The following CNTNAP3B variants were observed in gnomAD, a reference collection of about 807,000 sequenced individuals.
CNTNAP3B encodes the protein contactin-associated protein-like 3B.
In CNTNAP3B, 25 loss-of-function variants were observed where a neutral mutation model predicts 108.9. That is an observed-to-expected ratio of 0.23 (90% CI 0.17 to 0.32). The LOEUF (loss-of-function observed/expected upper bound fraction) is 0.32, where lower values mean the gene tolerates loss of function less well. Among genes scored for constraint, CNTNAP3B ranks in the 10% least tolerant of loss-of-function variants. CNTNAP3B has a pLI of 1.00. For missense variants in CNTNAP3B, 252 were observed against 1,210.4 expected, an observed-to-expected ratio of 0.21 and a Z score of 11.75; for synonymous variants, 103 against 473.4, an observed-to-expected ratio of 0.22 and a Z score of 10.16.
At chr9:41,928,377 G>A (rs1823877374) in intron 15 of CNTNAP3B, among the ~76,000 whole-genome samples, 1 of 152,040 alleles carries the variant, frequency 6.6e-6, no homozygotes, top group Non-Finnish European at 1.5e-5. Context: ...CTCAGATGAG[G>A]AGCCCCCAGA....
At chr9:41,948,223 C>T (rs1197283815) in intron 13 of CNTNAP3B, among the ~76,000 whole-genome samples, 1 of 143,806 alleles carries the variant, frequency 7.0e-6, no homozygotes, top group Non-Finnish European at 1.5e-5. Flanking sequence ...TCCTGAGTAG[C>T]TGGGATTATA....
intron 2 of CNTNAP3B, among the ~76,000 whole-genome samples, chr9:42,093,078 G>T (rs1827835074): frequency 1.0e-5 from 1 of 96,988 alleles, no homozygotes; most frequent in African/African-American, 3.9e-5. Flanking sequence ...CGGGCGCGGT[G>T]GCTCACACCT....
rs1348095156 is a variant in CNTNAP3B at position 42,011,854 on chromosome 9, G to A, written c.538+1524C>T. On this transcript the variant is annotated intron_variant, in intron 4 of 23. Coordinates refer to ENST00000377561, the MANE Select transcript of CNTNAP3B (RefSeq NM_001201380.3). ...ATTCTTCTAAGGAAAAAAAGACAAT[G>A]TAGATGTCCACTTGTTCTAAAGAAT... is the stretch of plus-strand genomic sequence containing the variant. Among the ~76,000 whole-genome samples the A allele has an allele frequency of 2.1e-5, 2 of 96,360 alleles. 1 individual carries two copies. The highest frequency in any genetic ancestry group is 7.9e-5 in the African/African-American group (2 of 25,220). The allele number at this position is 96,360 out of a possible 152,430, so 63.2% of individuals were successfully genotyped here.
intron 3 of CNTNAP3B, among the ~76,000 whole-genome samples, chr9:42,024,827 C>T (rs1826388569): frequency 6.9e-6 from 1 of 145,026 alleles, no homozygotes. Flanking sequence ...TCCAGTTTCT[C>T]AGGAGAAAAA....
rs538393760 is a variant in CNTNAP3B at position 42,021,773 on chromosome 9, G to A, written c.391-8248C>T. On this transcript the variant is annotated intron_variant, in intron 3 of 23. Coordinates refer to ENST00000377561, the MANE Select transcript of CNTNAP3B (RefSeq NM_001201380.3). ...TGTAAAACAGCAGCAACAACATGAG[G>A]CACATGGAAGTTCAATGTCCTAGGG... is the stretch of plus-strand genomic sequence containing the variant. 9.4e-4 allele frequency among the ~76,000 whole-genome samples: 122 copies of A among 129,990 alleles called. 11 individuals carry two copies. The highest frequency in any genetic ancestry group is 5.9e-3 in the South Asian group (23 of 3,878). The allele number at this position is 129,990 out of a possible 152,430, so 85.3% of individuals were successfully genotyped here. A position where few individuals can be genotyped will look rare whatever the true frequency, so the allele number is the denominator to read the frequency against.
rs1828205022 is a variant in CNTNAP3B at position 42,112,188 on chromosome 9, G to A, written c.86-7449C>T. ...TGACCGCTCACCCGATGACATTGCAGCCCCTGCTGTCTGCGAGTTCCCATC... is the reference window on the plus strand; with the variant it reads ...TGACCGCTCACCCGATGACATTGCAACCCCTGCTGTCTGCGAGTTCCCATC... On this transcript the variant is annotated intron_variant, in intron 1 of 23. Transcript: ENST00000377561. Among the ~76,000 whole-genome samples the A allele has an allele frequency of 2.1e-5, 3 of 140,130 alleles. 1 individual carries two copies. Among genetic ancestry groups the A allele is most frequent in the Admixed American group, 2.1e-4 (3 of 14,096 alleles). 91.9% of individuals were successfully genotyped at this position (140,130 alleles called of 152,430 possible).
At chr9:41,943,991 C>T (rs1326127225) in intron 13 of CNTNAP3B, among the ~76,000 whole-genome samples, 7 of 152,140 alleles carry the variant, frequency 4.6e-5, no homozygotes, top group Non-Finnish European at 1.0e-4. Context: ...GAGAATTATG[C>T]CAGATTTCCC....
At chr9:41,945,360 C>T (rs1824497796) in intron 13 of CNTNAP3B, among the ~76,000 whole-genome samples, 1 of 152,306 alleles carries the variant, frequency 6.6e-6, no homozygotes, top group South Asian at 2.1e-4. Context: ...AGACTTGGAA[C>T]CAACCCAAAT....
At chr9:41,959,738 G>A (rs1218501576) in intron 12 of CNTNAP3B, among the ~76,000 whole-genome samples, 2 of 152,422 alleles carry the variant, frequency 1.3e-5, no homozygotes, top group African/African-American at 2.4e-5. Flanking sequence ...CTTTGCTAAG[G>A]CACTTTAAAT....
At position 41,981,940 on chromosome 9, in the gene CNTNAP3B, G is replaced by A. The variant is rs1244870663; in HGVS notation, c.1477+4228C>T. Among the ~76,000 whole-genome samples, 15 of 58,726 alleles carry A rather than the reference G, an allele frequency of 2.6e-4. 2 individuals are homozygous for A. The highest frequency in any genetic ancestry group is 4.0e-4 in the Non-Finnish European group (12 of 30,258). 38.5% of individuals were successfully genotyped at this position (58,726 alleles called of 152,430 possible). ...ATAAATTAGCTGAATGTGGTGGCAC[G>A]TGCCTGTAGTCCAGGCTAATCAGGA... On this transcript the variant is annotated intron_variant, in intron 9 of 23. Coordinates refer to ENST00000377561, the MANE Select transcript of CNTNAP3B (RefSeq NM_001201380.3).
At position 41,953,169 on chromosome 9, in the gene CNTNAP3B, G is replaced by C. The variant is rs1361721691; in HGVS notation, c.2080+14C>G. ...GCCTCGTGAGCCCCTGTAGCCTCCA[G>C]CAGTGGCGCTTACCTCGTGAGTCCG... is the stretch of plus-strand genomic sequence containing the variant. On this transcript the variant is annotated intron_variant, in intron 13 of 23. Coordinates refer to ENST00000377561, the MANE Select transcript of CNTNAP3B (RefSeq NM_001201380.3). 1.3e-6 allele frequency: 2 copies of C among 1,516,496 alleles called. No homozygotes were observed. Among genetic ancestry groups the C allele is most frequent in the Non-Finnish European group, 1.8e-6 (2 of 1,141,452 alleles). 93.9% of individuals were successfully genotyped at this position (1,516,496 alleles called of 1,614,324 possible).
chr9:42,112,311 G>C (rs1258568761), intron 1 of CNTNAP3B, among the ~76,000 whole-genome samples: 1 of 139,466 alleles, frequency 7.2e-6, no homozygotes, highest in Admixed American at 7.1e-5. Context: ...CTGAAATACT[G>C]AGGTCTGTCT....
rs1422910062 is a variant in CNTNAP3B at position 42,012,131 on chromosome 9, G to A, written c.538+1247C>T. On this transcript the variant is annotated intron_variant, in intron 4 of 23. Transcript: ENST00000377561. ...AGGAACATCAAGCTAATGGCAAATC[G>A]CCATCAAAGAGCATGTTCCACTTTG... 3.0e-5 allele frequency among the ~76,000 whole-genome samples: 3 copies of A among 100,156 alleles called. 1 individual carries two copies. The highest frequency in any genetic ancestry group is 6.4e-5 in the Non-Finnish European group (3 of 46,836). 65.7% of individuals were successfully genotyped at this position (100,156 alleles called of 152,430 possible).
At chr9:42,059,969 A>C (rs1340025220) in intron 3 of CNTNAP3B, among the ~76,000 whole-genome samples, 4 of 150,576 alleles carry the variant, frequency 2.7e-5, no homozygotes, top group Non-Finnish European at 4.4e-5. Flanking sequence ...TCATCTGCAA[A>C]GAGGGACAAT....
chr9:42,122,054 G>A (rs1369150892), intron 1 of CNTNAP3B, among the ~76,000 whole-genome samples: 1 of 140,136 alleles, frequency 7.1e-6, no homozygotes, highest in Non-Finnish European at 1.5e-5. Context: ...TACATGACAA[G>A]TGAGGAGCCC....
intron 3 of CNTNAP3B, among the ~76,000 whole-genome samples, chr9:42,014,194 C>T (rs150320223): frequency 0.13 from 5,132 of 38,908 alleles, 2,087 homozygotes; most frequent in African/African-American, 0.32. Context: ...AGCACACTGC[C>T]ACTATCTGCT....
chr9:42,056,586 G>A lies in CNTNAP3B; in HGVS notation c.390+20283C>T, dbSNP rs985465481. Among the ~76,000 whole-genome samples the A allele has an allele frequency of 4.4e-5, 6 of 137,826 alleles. 1 individual carries two copies. The highest frequency in any genetic ancestry group is 6.2e-5 in the Non-Finnish European group (4 of 64,562). 90.4% of individuals were successfully genotyped at this position (137,826 alleles called of 152,430 possible). A position where few individuals can be genotyped will look rare whatever the true frequency, so the allele number is the denominator to read the frequency against. ...AGGATGGTCTTGATCTCCTGACCTCGTGATCTGCCCACCTCGGCCTTCCAA... is the reference window on the plus strand; with the variant it reads ...AGGATGGTCTTGATCTCCTGACCTCATGATCTGCCCACCTCGGCCTTCCAA... On this transcript the variant is annotated intron_variant, in intron 3 of 23. Transcript: ENST00000377561.
chr9:41,968,317 G>C (rs1421929563), intron 10 of CNTNAP3B, among the ~76,000 whole-genome samples: 14 of 142,090 alleles, frequency 9.9e-5, no homozygotes, highest in Non-Finnish European at 2.1e-4. Context: ...CTCAGAGAGA[G>C]ATGAGCTCCC....
rs1285317676 is a variant in CNTNAP3B at position 42,111,488 on chromosome 9, G to A, written c.86-6749C>T. Among the ~76,000 whole-genome samples the A allele has an allele frequency of 2.9e-5, 4 of 138,430 alleles. 1 individual carries two copies. The highest frequency in any genetic ancestry group is 4.6e-5 in the Non-Finnish European group (3 of 64,802). The allele number at this position is 138,430 out of a possible 152,430, so 90.8% of individuals were successfully genotyped here. ...TCCTAAGCTGGTAAACGGTATGCCT[G>A]AAGCTAAGGCATAGACAGAGCTGCC... On this transcript the variant is annotated intron_variant, in intron 1 of 23. Coordinates refer to ENST00000377561, the MANE Select transcript of CNTNAP3B (RefSeq NM_001201380.3).
Sources: gnomAD v4.1 joint callset for allele counts (sites outside exome capture counted in the v4.1 genomes callset) on GRCh38, gnomAD v4.1.1 for gene constraint, MANE v1.5 for transcripts, NCBI Gene and HGNC (gene_info 2026-07-23, HGNC 2026-07-21) for gene names.